PTPRK: variants seen among roughly 807,000 people sequenced by gnomAD.
PTPRK encodes the protein protein tyrosine phosphatase receptor type K, also known as receptor-type tyrosine-protein phosphatase kappa.
In PTPRK, 75 loss-of-function variants were observed where a neutral mutation model predicts 178.0. The observed-to-expected ratio is 0.42, with a 90% CI of 0.35 to 0.51. The LOEUF is 0.51. Ranked by LOEUF, PTPRK falls within the 20% of genes least tolerant of loss-of-function variation. The pLI is 0.02. For missense variants in PTPRK, 1,441 were observed against 1,797.8 expected (o/e 0.80, Z 3.59); for synonymous variants, 637 against 620.6 (o/e 1.03, Z -0.39).
intron 1 of PTPRK, among the ~76,000 whole-genome samples, chr6:128,461,231 C>CGTGTGTGTGTGTGTGTGT (rs144928884): frequency 2.0e-4 from 30 of 147,072 alleles, no homozygotes; most frequent in African/African-American, 7.4e-4. Flanking sequence ...TTTGTTATTC[C>CGTGTGTGTGTGTGTGTGT]GTGTGTGTGT....
chr6:128,262,510 C>T (rs1818322178), intron 3 of PTPRK, among the ~76,000 whole-genome samples: 2 of 152,030 alleles, frequency 1.3e-5, no homozygotes, highest in Non-Finnish European at 2.9e-5. Flanking sequence ...AAGAAAAGAA[C>T]AGAGTGTTTA....
rs1259470872 is a variant in PTPRK, at chr6:127,976,665, G to A, written c.3961C>T (p.Leu1321=). The A allele has an allele frequency of 6.2e-7, 1 of 1,614,010 alleles. No homozygotes were observed. Among genetic ancestry groups the A allele is most frequent in the Non-Finnish European group, 8.5e-7 (1 of 1,179,960 alleles). Residue 1321 remains leucine (L), a synonymous_variant, in exon 27 of 30, where the codon CTA becomes TTA. Coordinates refer to ENST00000368226, the MANE Select transcript of PTPRK (RefSeq NM_002844.4). ...ATCCGATAGTGACTTACTCTTGTTAGATTGCATATCCTAAAAATCCGGTTG... is the reference window on the plus strand; with the variant it reads ...ATCCGATAGTGACTTACTCTTGTTAAATTGCATATCCTAAAAATCCGGTTG... ...VINRIFRICN[L]TRPQEGYLMV...
At chr6:128,275,091 C>T (rs1465650825) in intron 3 of PTPRK, among the ~76,000 whole-genome samples, 1 of 152,000 alleles carries the variant, frequency 6.6e-6, no homozygotes. Flanking sequence ...ACTTCACTAG[C>T]ACTGTACAAC....
chr6:128,401,789 A>C (rs1841053837), intron 1 of PTPRK, among the ~76,000 whole-genome samples: 1 of 152,204 alleles, frequency 6.6e-6, no homozygotes, highest in African/African-American at 2.4e-5. Flanking sequence ...GAATATATAT[A>C]GTTTTTTCAA....
chr6:128,197,288 C>T (rs983512558), intron 6 of PTPRK, among the ~76,000 whole-genome samples: 3 of 149,810 alleles, frequency 2.0e-5, no homozygotes, highest in Non-Finnish European at 1.5e-5. Context: ...TGGTTTGCTG[C>T]ACCTATCAAC....
At chr6:128,506,098 T>C (rs951215285) in intron 1 of PTPRK, among the ~76,000 whole-genome samples, 1 of 152,206 alleles carries the variant, frequency 6.6e-6, no homozygotes, top group South Asian at 2.1e-4. Flanking sequence ...ACAGAAGCAA[T>C]AGTGATATTC....
chr6:128,370,310 A>G (rs1836091690), intron 2 of PTPRK, among the ~76,000 whole-genome samples: 1 of 152,110 alleles, frequency 6.6e-6, no homozygotes, highest in South Asian at 2.1e-4. Flanking sequence ...TTCCTTACTC[A>G]AATGAGGAAA....
At chr6:128,079,438 G>A (rs1021802874) in intron 10 of PTPRK, among the ~76,000 whole-genome samples, 4 of 151,868 alleles carry the variant, frequency 2.6e-5, no homozygotes, top group African/African-American at 9.7e-5. Context: ...CAAGAAGTGT[G>A]GTAAATGATA....
chr6:127,997,834 T>C (rs192811389), intron 16 of PTPRK, among the ~76,000 whole-genome samples: 22 of 152,268 alleles, frequency 1.4e-4, no homozygotes, highest in Admixed American at 1.3e-3. Context: ...ATTTAAGGTA[T>C]ACAGGTAATC....
rs764167756 is a variant in PTPRK at position 128,322,230 on chromosome 6, C to T, written c.304G>A (p.Asp102Asn). 9.9e-6 allele frequency: 16 copies of T among 1,613,342 alleles called. No homozygotes were observed. The highest frequency in any genetic ancestry group is 1.2e-5 in the Non-Finnish European group (14 of 1,179,518). Reference protein sequence around the residue: ...RLQLPTMKENDTHCIDFSYLL... With the variant: ...RLQLPTMKENNTHCIDFSYLL... ...TAACTGAAATCAATGCAGTGAGTGTCGTTCTCCTTCATTGTAGGCAGCTGA... is the reference window on the plus strand; with the variant it reads ...TAACTGAAATCAATGCAGTGAGTGTTGTTCTCCTTCATTGTAGGCAGCTGA... The change falls in exon 3 of 30, where the codon GAC becomes AAC. Residue 102 changes from aspartate to asparagine, a missense_variant. By Grantham distance (23) the Asp-to-Asn change is conservative (BLOSUM62 1). This residue lies in a region of PTPRK where 158 missense variants were observed against 188.0 expected (regional missense o/e 0.84). Coordinates refer to ENST00000368226, the MANE Select transcript of PTPRK (RefSeq NM_002844.4).
intron 1 of PTPRK, among the ~76,000 whole-genome samples, chr6:128,488,631 G>A (rs1443528282): frequency 2.6e-5 from 4 of 152,158 alleles, no homozygotes; most frequent in Non-Finnish European, 4.4e-5. Context: ...TGTTGAATAT[G>A]CTGGATAATT....
chr6:128,240,253 G>C (rs1814160895), intron 4 of PTPRK, 103 bp from the exon 5 acceptor site: 2 of 849,106 alleles, frequency 2.4e-6, no homozygotes, highest in Admixed American at 5.1e-5. Flanking sequence ...TTTACCTTTG[G>C]CCAAGACTAA....
rs1332209158 is a variant in PTPRK, at chr6:128,170,847, C to T, written c.1162+13585G>A. ...ACAGATTATGAATGACTTTAAAATG[C>T]TAGTGTTATAGATATTGCAAACTAG... On this transcript the variant is annotated intron_variant, in intron 7 of 29. Coordinates refer to ENST00000368226, the MANE Select transcript of PTPRK (RefSeq NM_002844.4). Among the ~76,000 whole-genome samples the T allele has an allele frequency of 4.6e-5, 7 of 151,250 alleles. No individual in the cohort carries two copies. In the Admixed American group the frequency reaches 4.6e-4, roughly 10 times the overall value.
intron 2 of PTPRK, among the ~76,000 whole-genome samples, chr6:128,346,911 A>C (rs1446657637): frequency 2.6e-5 from 4 of 152,178 alleles, no homozygotes; most frequent in African/African-American, 4.8e-5. Context: ...AAGGAATGAA[A>C]ACATTAATTT....
chr6:128,168,171 T>C (rs1289777267), intron 7 of PTPRK, among the ~76,000 whole-genome samples: 1 of 152,110 alleles, frequency 6.6e-6, no homozygotes, highest in African/African-American at 2.4e-5. Flanking sequence ...GTAAATCTTG[T>C]GACATCTCCC....
At chr6:128,304,780 C>T (rs1826130539) in intron 3 of PTPRK, among the ~76,000 whole-genome samples, 1 of 152,174 alleles carries the variant, frequency 6.6e-6, no homozygotes, top group African/African-American at 2.4e-5. Context: ...ATACAATCAG[C>T]ACATGCTCCC....
intron 15 of PTPRK, chr6:128,000,026 T>C: frequency 2.1e-6 from 2 of 955,752 alleles, no homozygotes; most frequent in South Asian, 9.6e-5. Flanking sequence ...ACCGAAGTAC[T>C]AAACATTACA....
At chr6:128,146,768 C>A (rs1307288946) in intron 7 of PTPRK, among the ~76,000 whole-genome samples, 1 of 151,910 alleles carries the variant, frequency 6.6e-6, no homozygotes, top group Non-Finnish European at 1.5e-5. Flanking sequence ...ATATACATAC[C>A]AATTTGGCAA....
intron 1 of PTPRK, among the ~76,000 whole-genome samples, chr6:128,484,180 T>A (rs1852495107): frequency 6.6e-6 from 1 of 152,148 alleles, no homozygotes; most frequent in Admixed American, 6.6e-5. Flanking sequence ...TTGGTATTAA[T>A]GGACTTATTC....
Sources: gnomAD v4.1 joint callset for allele counts (sites outside exome capture counted in the v4.1 genomes callset) on GRCh38, gnomAD v4.1.1 for gene constraint, gnomAD v4.1.1 regional missense constraint, MANE v1.5 for transcripts, NCBI Gene and HGNC (gene_info 2026-07-23, HGNC 2026-07-21) for gene names.